Variants in KCNT2 observed in about 807,000 individuals in gnomAD.
KCNT2 encodes the protein potassium sodium-activated channel subfamily T member 2.
In KCNT2, 67 loss-of-function variants were observed where a neutral mutation model predicts 153.8. The ratio of observed to expected loss-of-function variants is 0.44; its 90% confidence interval spans 0.36 to 0.53. The LOEUF (loss-of-function observed/expected upper bound fraction) is 0.53, where lower values mean the gene tolerates loss of function less well. Among genes scored for constraint, KCNT2 ranks in the 20% least tolerant of loss-of-function variants. The pLI is 0.00. For missense variants in KCNT2, 975 were observed against 1,354.8 expected (o/e 0.72, Z 4.40); for synonymous variants, 500 against 458.8 (o/e 1.09, Z -1.15).
rs1194590880 is a variant in KCNT2, at chr1:196,351,025, G to A, written c.1404-8797C>T. 2.1e-4 allele frequency among the ~76,000 whole-genome samples: 31 copies of A among 148,596 alleles called. 1 individual carries two copies. Among genetic ancestry groups the A allele is most frequent in the East Asian group, 1.2e-3 (6 of 5,046 alleles). Reference sequence around the variant, plus strand: ...GATCAGATAGTTGTAGATATGTGGCGTTATTTCTGAGGGCTCTGTTCTGTT... The same window carrying A: ...GATCAGATAGTTGTAGATATGTGGCATTATTTCTGAGGGCTCTGTTCTGTT... On this transcript the variant is annotated intron_variant, in intron 14 of 27. Transcript: ENST00000294725.
chr1:196,544,547 C>A (rs1203205692), intron 1 of KCNT2, among the ~76,000 whole-genome samples: 1 of 151,848 alleles, frequency 6.6e-6, no homozygotes, highest in East Asian at 1.9e-4. Flanking sequence ...CTTCTGAAAA[C>A]AGGAGTTGTT....
intron 12 of KCNT2, among the ~76,000 whole-genome samples, chr1:196,412,451 T>C (rs1203241037): frequency 1.3e-5 from 2 of 151,746 alleles, no homozygotes; most frequent in African/African-American, 2.4e-5. Flanking sequence ...GAAATAATGT[T>C]ATACTAGGGT....
chr1:196,298,144 T>G (rs1310393198), intron 22 of KCNT2, among the ~76,000 whole-genome samples: 2 of 152,194 alleles, frequency 1.3e-5, no homozygotes, highest in Non-Finnish European at 1.5e-5. Context: ...CTTATAGACA[T>G]GACTGTTTGC....
At chr1:196,235,003 A>G (rs1317079434) in intron 27 of KCNT2, among the ~76,000 whole-genome samples, 1 of 151,478 alleles carries the variant, frequency 6.6e-6, no homozygotes, top group East Asian at 1.9e-4. Context: ...CAACTGTCAA[A>G]GTGCCTTTTC....
rs759922633 is a variant in KCNT2, at chr1:196,285,719, G to A, written c.2635C>T (p.Arg879Ter). 1.9e-6 allele frequency: 3 copies of A among 1,613,296 alleles called. No individual in the cohort carries two copies. The highest frequency in any genetic ancestry group is 2.5e-6 in the Non-Finnish European group (3 of 1,179,396). Residue 879 changes from arginine (R) to a stop codon, truncating the protein, a stop_gained, in exon 23 of 28, where the codon CGA (arginine) becomes TGA (stop). Coordinates refer to ENST00000294725, the MANE Select transcript of KCNT2 (RefSeq NM_198503.5). LOFTEE classifies it high-confidence loss of function. ...ACCCTCCCAGCAGCAAAAGGCAGTC[G>A]AAACATAAAGGCCAAGTTAGAGCCT... ...ERGSNLAFMF[R>*]LPFAAGRVFS...
chr1:196,506,236 C>A (rs1318780659), intron 1 of KCNT2, among the ~76,000 whole-genome samples: 5 of 152,136 alleles, frequency 3.3e-5, no homozygotes, highest in African/African-American at 1.2e-4. Flanking sequence ...GGTATTACTT[C>A]CATTTCACAG....
intron 8 of KCNT2, among the ~76,000 whole-genome samples, chr1:196,435,396 G>A (rs1295261179): frequency 1.3e-5 from 2 of 150,418 alleles, no homozygotes; most frequent in African/African-American, 2.4e-5. Flanking sequence ...TATAATAAAT[G>A]AAAAATTGGG....
chr1:196,538,772 A>G (rs532595477), intron 1 of KCNT2, among the ~76,000 whole-genome samples: 1 of 152,280 alleles, frequency 6.6e-6, no homozygotes, highest in Admixed American at 6.5e-5. Context: ...GTCATACTGA[A>G]ATTCTGTTTT....
chr1:196,286,440 T>G (rs1232040006), intron 22 of KCNT2, among the ~76,000 whole-genome samples: 1 of 152,044 alleles, frequency 6.6e-6, no homozygotes, highest in Non-Finnish European at 1.5e-5. Context: ...AGTGAGAAAT[T>G]AATATCTGGT....
intron 8 of KCNT2, among the ~76,000 whole-genome samples, chr1:196,464,536 C>T (rs1276380091): frequency 6.6e-6 from 1 of 151,732 alleles, no homozygotes; most frequent in Non-Finnish European, 1.5e-5. Context: ...TTTTTTAGTA[C>T]TTCCTAATTA....
chr1:196,400,962 T>G (rs955154123), intron 12 of KCNT2, among the ~76,000 whole-genome samples: 1 of 151,666 alleles, frequency 6.6e-6, no homozygotes, highest in Non-Finnish European at 1.5e-5. Flanking sequence ...TGGCTAAGAC[T>G]CCACAGAAAA....
At position 196,375,512 on chromosome 1, in the gene KCNT2, C is replaced by G. The variant is rs957318747; in HGVS notation, c.1295-2264G>C. 8.1e-4 allele frequency among the ~76,000 whole-genome samples: 123 copies of G among 151,804 alleles called. 1 individual carries two copies. Among genetic ancestry groups the G allele is most frequent in the African/African-American group, 2.8e-3 (116 of 41,518 alleles). ...AAATTAATATATGATATGTATCAGT[C>G]AAAACCTAGCACCTTGTCATTGGTA... On this transcript the variant is annotated intron_variant, in intron 13 of 27. Transcript: ENST00000294725.
rs141870281 is a variant in KCNT2 at position 196,320,123 on chromosome 1, T to A, written c.2277-568A>T. ...AATTATAGTGAAAGTAATGCATTTT[T>A]AAATTTATTGATATACTCTCTATAT... On this transcript the variant is annotated intron_variant, in intron 19 of 27. Transcript: ENST00000294725. 1.7e-3 allele frequency among the ~76,000 whole-genome samples: 253 copies of A among 151,884 alleles called. 3 individuals are homozygous for A. Among genetic ancestry groups the A allele is most frequent in the Non-Finnish European group, 1.7e-3 (113 of 67,850 alleles).
At chr1:196,508,189 C>CAAAAAAAA (rs10539910) in intron 1 of KCNT2, among the ~76,000 whole-genome samples, 720 of 59,672 alleles carry the variant, frequency 0.012, no homozygotes, top group Non-Finnish European at 0.013. Flanking sequence ...CCCTAAGTAG[C>CAAAAAAAA]AAAAAAAAAA....
intron 1 of KCNT2, among the ~76,000 whole-genome samples, chr1:196,607,536 AAT>A (rs1309700570): frequency 7.3e-5 from 11 of 151,226 alleles, no homozygotes; most frequent in Non-Finnish European, 1.6e-4. Flanking sequence ...CAGTTAAAAA[AAT>A]ATACTAGTTA....
At chr1:196,282,671 AATG>A (rs1659229244) in intron 23 of KCNT2, among the ~76,000 whole-genome samples, 1 of 152,208 alleles carries the variant, frequency 6.6e-6, no homozygotes, top group Non-Finnish European at 1.5e-5. Flanking sequence ...CCCCAAATGA[AATG>A]ATGACTATCA....
At chr1:196,363,369 C>A (rs1053895846) in intron 14 of KCNT2, among the ~76,000 whole-genome samples, 1 of 152,044 alleles carries the variant, frequency 6.6e-6, no homozygotes, top group Non-Finnish European at 1.5e-5. Context: ...ATTTTCCCTG[C>A]CCCATTCCTG....
intron 8 of KCNT2, among the ~76,000 whole-genome samples, chr1:196,433,584 TA>T (rs1428971761): frequency 6.6e-6 from 1 of 152,080 alleles, no homozygotes; most frequent in Non-Finnish European, 1.5e-5. Context: ...GAGTAAATTT[TA>T]TGACACATAT....
At chr1:196,549,893 T>C (rs10754192) in intron 1 of KCNT2, among the ~76,000 whole-genome samples, 118,101 of 151,740 alleles carry the variant, frequency 0.78, 49,485 homozygotes, top group East Asian at 0.97. Context: ...TCTCATGGGC[T>C]CTAAGTTTCG....
Sources: gnomAD v4.1 joint callset for allele counts (sites outside exome capture counted in the v4.1 genomes callset) on GRCh38, gnomAD v4.1.1 for gene constraint, MANE v1.5 for transcripts, NCBI Gene and HGNC (gene_info 2026-07-23, HGNC 2026-07-21) for gene names.